The following KIF13A variants were observed in gnomAD, a reference collection of about 807,000 sequenced individuals.
KIF13A encodes the protein kinesin family member 13A.
Under a neutral mutation model 212.2 loss-of-function variants are expected in KIF13A, and 79 were observed. The ratio of observed to expected loss-of-function variants is 0.37; its 90% CI spans 0.31 to 0.45. KIF13A has a LOEUF of 0.45. Ranked by LOEUF, KIF13A falls within the 20% of genes least tolerant of loss-of-function variation. The pLI is 1.00. For missense variants in KIF13A, 1,901 were observed against 2,209.0 expected, an observed-to-expected ratio of 0.86 and a Z score of 2.79; for synonymous variants, 789 against 808.6, an observed-to-expected ratio of 0.98 and a Z score of 0.41.
At chr6:17,797,476 A>G (rs1350099064) in intron 22 of KIF13A, among the ~76,000 whole-genome samples, 1 of 152,240 alleles carries the variant, frequency 6.6e-6, no homozygotes, top group Non-Finnish European at 1.5e-5. Flanking sequence ...CAGCTGGCAT[A>G]GACTAACTCA....
intron 9 of KIF13A, among the ~76,000 whole-genome samples, chr6:17,842,672 A>G (rs1252497902): frequency 1.3e-5 from 2 of 152,198 alleles, no homozygotes; most frequent in Non-Finnish European, 2.9e-5. Flanking sequence ...GTAAGTCTTA[A>G]GCTAGGAGAT....
intron 2 of KIF13A, among the ~76,000 whole-genome samples, chr6:17,975,843 C>T (rs773231857): frequency 2.6e-5 from 4 of 152,194 alleles, no homozygotes; most frequent in Non-Finnish European, 4.4e-5. Flanking sequence ...CTGAGCTAGA[C>T]ATAGGGTGCT....
intron 4 of KIF13A, among the ~76,000 whole-genome samples, chr6:17,870,948 T>C (rs1487077329): frequency 6.6e-6 from 1 of 152,236 alleles, no homozygotes; most frequent in African/African-American, 2.4e-5. Context: ...TTGCCATTTT[T>C]ACTTTCTTCC....
At chr6:17,916,991 T>C (rs935364349) in intron 2 of KIF13A, among the ~76,000 whole-genome samples, 40 of 151,550 alleles carry the variant, frequency 2.6e-4, no homozygotes, top group African/African-American at 7.8e-4. Flanking sequence ...ACCATTACTA[T>C]TGCAATACTT....
intron 18 of KIF13A, among the ~76,000 whole-genome samples, chr6:17,806,936 C>T (rs1157672698): frequency 3.3e-5 from 5 of 152,150 alleles, no homozygotes; most frequent in Non-Finnish European, 5.9e-5. Flanking sequence ...CGGCTGGAAC[C>T]GTAGCAGAGG....
rs866517524 is a variant in KIF13A at position 17,912,570 on chromosome 6, C to T, written c.147-14390G>A. The stretch of plus-strand genomic sequence containing the variant: ...TATTAAATTCTACTGAATAAACCAA[C>T]AGAACCCCCATTTCCCATTTCTTTA... On this transcript the variant is annotated intron_variant, in intron 2 of 38. Coordinates refer to ENST00000259711, the MANE Select transcript of KIF13A (RefSeq NM_022113.6). This position sits in a 1 kb window ranked among gnomAD's most constrained non-coding sequence, Gnocchi z 4.2. 1.3e-5 allele frequency among the ~76,000 whole-genome samples: 2 copies of T among 152,346 alleles called. No individual in the cohort carries two copies. The highest frequency in any genetic ancestry group is 3.4e-3 in the Middle Eastern group (1 of 294).
At chr6:17,851,592 G>C (rs1247906082) in intron 7 of KIF13A, among the ~76,000 whole-genome samples, 1 of 152,224 alleles carries the variant, frequency 6.6e-6, no homozygotes, top group Admixed American at 6.5e-5. Flanking sequence ...CAAGGCAGGA[G>C]ACCCTGCCAA....
chr6:17,764,407 G>A lies in KIF13A; in HGVS notation c.5121C>T (p.Ser1707=), dbSNP rs768414892. The part of the protein sequence containing the change: ...GSCSELDACP[S]KISQPARGFC... ...ATCCCCTGGCTGGCTGGCTAATTTTGCTGGGGCAGGCATCTAGTTCTGAAC... is the reference window on the plus strand; with the variant it reads ...ATCCCCTGGCTGGCTGGCTAATTTTACTGGGGCAGGCATCTAGTTCTGAAC... Residue 1707 remains serine, a synonymous_variant, in exon 39 of 39, where the codon AGC becomes AGT. Transcript: ENST00000259711. This position sits in a 1 kb window ranked among gnomAD's most constrained non-coding sequence, Gnocchi z 5.1. 1 of 1,613,972 alleles carries A rather than the reference G, an allele frequency of 6.2e-7. No individual in the cohort carries two copies. The highest frequency in any genetic ancestry group is 1.1e-5 in the South Asian group (1 of 91,082).
At chr6:17,881,930 A>T in intron 3 of KIF13A, 3 of 441,812 alleles carry the variant, frequency 6.8e-6, no homozygotes, top group South Asian at 4.7e-5. Flanking sequence ...CGGGAGACTG[A>T]GGTTGCAGTG....
At chr6:17,880,447 T>C (rs755833546) in intron 3 of KIF13A, among the ~76,000 whole-genome samples, 15 of 151,566 alleles carry the variant, frequency 9.9e-5, no homozygotes, top group Non-Finnish European at 1.5e-4. Flanking sequence ...ACCAACATGG[T>C]GAAACCCCAT....
At chr6:17,983,915 A>G (rs1275415322) in intron 2 of KIF13A, among the ~76,000 whole-genome samples, 1 of 152,190 alleles carries the variant, frequency 6.6e-6, no homozygotes, top group East Asian at 1.9e-4. Flanking sequence ...GTCTTGCAAA[A>G]GTGAACCTAT....
intron 17 of KIF13A, among the ~76,000 whole-genome samples, chr6:17,813,411 T>G (rs1347905119): frequency 6.6e-6 from 1 of 152,042 alleles, no homozygotes; most frequent in East Asian, 1.9e-4. Context: ...ACCTGGGAGA[T>G]GGAGGTTGCA....
In KIF13A at chr6:17,915,061, G is replaced by A. The variant is rs1389248504; in HGVS notation, c.147-16881C>T. On this transcript the variant is annotated intron_variant, in intron 2 of 38. Transcript: ENST00000259711. The surrounding 1 kb of genome is among the most constrained non-coding windows in gnomAD (Gnocchi z 4.4). ...CAAGATTGGTTTTCCATTTATGTGA[G>A]AGCTTGTACCTTGAGAGCATTTATC... Among the ~76,000 whole-genome samples, 1 of 152,172 alleles carries A rather than the reference G, an allele frequency of 6.6e-6. No homozygotes were observed. The highest frequency in any genetic ancestry group is 1.5e-5 in the Non-Finnish European group (1 of 68,036).
chr6:17,790,655 G>A (rs1258898034), intron 25 of KIF13A, among the ~76,000 whole-genome samples: 2 of 152,064 alleles, frequency 1.3e-5, no homozygotes, highest in Non-Finnish European at 2.9e-5. Context: ...TTAACCTTAG[G>A]ACCACACAGA....
At position 17,926,079 on chromosome 6, in the gene KIF13A, C is replaced by G. The variant is rs1775473491; in HGVS notation, c.147-27899G>C. 6.6e-6 allele frequency among the ~76,000 whole-genome samples: 1 copy of G among 152,126 alleles called. No individual in the cohort carries two copies. Among genetic ancestry groups the G allele is most frequent in the African/African-American group, 2.4e-5 (1 of 41,422 alleles). On this transcript the variant is annotated intron_variant, in intron 2 of 38. Transcript: ENST00000259711. This position sits in a 1 kb window ranked among gnomAD's most constrained non-coding sequence, Gnocchi z 4.3. ...AATGCTCATCTTATAATGAAGATGT[C>G]AGAACCAGACATATAATTAAAGTAG...
rs964499343 is a variant in KIF13A, at chr6:17,856,186, T to C, written c.221-64A>G. Reference sequence around the variant, plus strand: ...ATAATTTTTCTTGACATATTTGTGTTAGTAACAATATTATGTCAATTCAAA... The same window carrying C: ...ATAATTTTTCTTGACATATTTGTGTCAGTAACAATATTATGTCAATTCAAA... On this transcript the variant is annotated intron_variant, in intron 4 of 38. Transcript: ENST00000259711. The surrounding 1 kb of genome is among the most constrained non-coding windows in gnomAD (Gnocchi z 4.5). 8.9e-7 allele frequency: 1 copy of C among 1,124,588 alleles called. No individual in the cohort carries two copies. The highest frequency in any genetic ancestry group is 1.6e-5 in the African/African-American group (1 of 63,704). The allele number at this position is 1,124,588 out of a possible 1,614,324, so 69.7% of individuals were successfully genotyped here.
At chr6:17,858,937 A>C (rs1768427596) in intron 4 of KIF13A, among the ~76,000 whole-genome samples, 1 of 152,244 alleles carries the variant, frequency 6.6e-6, no homozygotes, top group Non-Finnish European at 1.5e-5. Flanking sequence ...GAAAGGACTC[A>C]ATTGCAGAGA....
chr6:17,935,344 AC>A (rs1776365502), intron 2 of KIF13A, among the ~76,000 whole-genome samples: 1 of 152,150 alleles, frequency 6.6e-6, no homozygotes, highest in South Asian at 2.1e-4. Flanking sequence ...ATTCAGCACC[AC>A]AGAGACCTGG....
chr6:17,813,721 T>C (rs926459629), intron 17 of KIF13A, among the ~76,000 whole-genome samples: 1 of 152,116 alleles, frequency 6.6e-6, no homozygotes, highest in Non-Finnish European at 1.5e-5. Flanking sequence ...TAGTGAGAGC[T>C]GCAGTGTGTG....
Sources: gnomAD v4.1 joint callset for allele counts (sites outside exome capture counted in the v4.1 genomes callset) on GRCh38, gnomAD v4.1.1 for gene constraint, Gnocchi (gnomAD v3.1) non-coding constraint, MANE v1.5 for transcripts, NCBI Gene and HGNC (gene_info 2026-07-23, HGNC 2026-07-21) for gene names.